The following MMACHC variants were observed in gnomAD, a reference collection of about 807,000 sequenced individuals.
The protein encoded by MMACHC is metabolism of cobalamin associated C, also known as cyanocobalamin reductase / alkylcobalamin dealkylase.
A neutral mutation model predicts 17.6 loss-of-function variants in MMACHC; 14 were observed. That is an observed-to-expected ratio of 0.80 (90% confidence interval 0.53 to 1.25). The LOEUF is 1.25. Ranked by LOEUF, MMACHC falls within the 50% of genes most tolerant of loss-of-function variation. MMACHC has a pLI of 0.00. For missense variants in MMACHC, 392 were observed against 364.5 expected, an observed-to-expected ratio of 1.08 and a Z score of -0.62; for synonymous variants, 151 against 142.1, an observed-to-expected ratio of 1.06 and a Z score of -0.45.
At chr1:45,503,158 G>A (rs987939948) in intron 1 of MMACHC, among the ~76,000 whole-genome samples, 2 of 152,030 alleles carry the variant, frequency 1.3e-5, no homozygotes, top group African/African-American at 4.8e-5. Context: ...CAGCACTTTG[G>A]GAGGCCAAGG....
rs1363911034 is a variant in MMACHC at position 45,510,769 on chromosome 1, T to G, written c.*1554T>G. ...GTCTAAACAAAAATAGGTGTCCAAG[T>G]AGTCACACTGAGACTTTAACTGGTA... On this transcript the variant is annotated 3_prime_UTR_variant, in exon 4 of 4. Coordinates refer to ENST00000401061, the MANE Select transcript of MMACHC (RefSeq NM_015506.3). 1.3e-5 allele frequency: 2 copies of G among 152,204 alleles called. No individual in the cohort carries two copies. Among genetic ancestry groups the G allele is most frequent in the African/African-American group, 4.8e-5 (2 of 41,442 alleles). 9.4% of individuals were successfully genotyped at this position (152,204 alleles called of 1,614,324 possible).
chr1:45,509,201 T>G lies in MMACHC; in HGVS notation c.835T>G (p.Ser279Ala). The part of the protein sequence containing the change: ...WLSPRVSPPA[S>A]PGP ...CAGCCCCAGGGTCTCACCACCTGCA[T>G]CCCCTGGCCCTTGATTTTCTCCCAT... The change falls in exon 4 of 4, where the codon TCC (serine) becomes GCC (alanine). Residue 279 changes from serine (S) to alanine (A), a missense_variant. Ser to Ala is a moderately conservative substitution (Grantham distance 99). Transcript: ENST00000401061. 2 of 1,614,002 alleles carry G rather than the reference T, an allele frequency of 1.2e-6. No individual in the cohort carries two copies. Among genetic ancestry groups the G allele is most frequent in the South Asian group, 2.2e-5 (2 of 91,078 alleles).
rs200769887 is a variant in MMACHC at position 45,511,337 on chromosome 1, G to T, written c.*2122G>T. 6.2e-7 allele frequency: 1 copy of T among 1,612,086 alleles called. No homozygotes were observed. Among genetic ancestry groups the T allele is most frequent in the East Asian group, 2.2e-5 (1 of 44,758 alleles). On this transcript the variant is annotated 3_prime_UTR_variant, in exon 4 of 4. Transcript: ENST00000401061. ...CTAAAACAGCCCAGCGCTCACTTCT[G>T]CTTGGAGAAATATTCTTTGCTCTTT...
In MMACHC at chr1:45,510,772, T is replaced by G. The variant is rs1021511291; in HGVS notation, c.*1557T>G. ...TAAACAAAAATAGGTGTCCAAGTAG[T>G]CACACTGAGACTTTAACTGGTAACC... On this transcript the variant is annotated 3_prime_UTR_variant, in exon 4 of 4. Coordinates refer to ENST00000401061, the MANE Select transcript of MMACHC (RefSeq NM_015506.3). The G allele has an allele frequency of 1.3e-5, 2 of 152,332 alleles. No homozygotes were observed. The highest frequency in any genetic ancestry group is 3.9e-4 in the East Asian group (2 of 5,190). The allele number at this position is 152,332 out of a possible 1,614,324, so 9.4% of individuals were successfully genotyped here. A position where few individuals can be genotyped will look rare whatever the true frequency, so the allele number is the denominator to read the frequency against.
Position 45,511,722 on chromosome 1 carries a change from C to A in MMACHC, c.*2507C>A. 2 of 227,922 alleles carry A rather than the reference C, an allele frequency of 8.8e-6. No homozygotes were observed. The highest frequency in any genetic ancestry group is 1.7e-5 in the Non-Finnish European group (2 of 117,344). 14.1% of individuals were successfully genotyped at this position (227,922 alleles called of 1,614,324 possible). ...TCTAATCCTTAAGGGGAAAAAAAAG[C>A]TAAATAAACGACACACATAGGACTA... On this transcript the variant is annotated 3_prime_UTR_variant, in exon 4 of 4. Transcript: ENST00000401061.
chr1:45,509,485 C>T lies in MMACHC; in HGVS notation c.*270C>T. 1 of 377,382 alleles carries T rather than the reference C, an allele frequency of 2.6e-6. No individual in the cohort carries two copies. The highest frequency in any genetic ancestry group is 3.2e-5 in the South Asian group (1 of 31,372). 23.4% of individuals were successfully genotyped at this position (377,382 alleles called of 1,614,324 possible). On this transcript the variant is annotated 3_prime_UTR_variant, in exon 4 of 4. Transcript: ENST00000401061. ...CTGGAGTGCAGTGGCACAGTCTCTA[C>T]TCACTGCAACCTCTGCCTCCTGGGT... is the stretch of plus-strand genomic sequence containing the variant.
Position 45,508,325 on chromosome 1 carries a change from CCAA to C in MMACHC, c.392_394del (p.Gln131del), listed in dbSNP as rs779234540. On this transcript the variant is annotated inframe_deletion, in exon 3 of 4. Coordinates refer to ENST00000401061, the MANE Select transcript of MMACHC (RefSeq NM_015506.3). Reference sequence around the variant, plus strand: ...ATGTAGCTGGGGCTGCTTACTACTACCAACGACAAGATGTGGAGGCTGACCCAT... The same window carrying C: ...ATGTAGCTGGGGCTGCTTACTACTACCGACAAGATGTGGAGGCTGACCCAT... The C allele has an allele frequency of 2.5e-6, 4 of 1,614,056 alleles. No individual in the cohort carries two copies. The highest frequency in any genetic ancestry group is 2.7e-5 in the African/African-American group (2 of 74,918).
In MMACHC at chr1:45,509,129, C is replaced by G. The variant is rs533256855; in HGVS notation, c.763C>G (p.Pro255Ala). ...CTCCCCGGACCTTCCCTTTACCACA[C>G]CCGCCCCCAAGAAGCCTGGGAATCC... The part of the protein sequence containing the change: ...SPSPDLPFTT[P>A]APKKPGNPSR... Residue 255 changes from proline to alanine, a missense_variant, in exon 4 of 4, where the codon CCC becomes GCC. Physicochemically the swap from Pro to Ala is conservative, Grantham distance 27. Transcript: ENST00000401061. The G allele has an allele frequency of 3.1e-6, 5 of 1,611,666 alleles. No homozygotes were observed. In the Admixed American group the frequency reaches 8.4e-5, roughly 27 times the overall value.
rs1643777421 is a variant in MMACHC at position 45,512,690 on chromosome 1, T to C, written c.*3475T>C. On this transcript the variant is annotated 3_prime_UTR_variant, in exon 4 of 4. Transcript: ENST00000401061. ...CCTGGGTTCAGGAGACTAACCTATA[T>C]GTAGGTTCCTAGGAAAGTCCAGTTA... 1 of 152,128 alleles carries C rather than the reference T, an allele frequency of 6.6e-6. No individual in the cohort carries two copies. Among genetic ancestry groups the C allele is most frequent in the Non-Finnish European group, 1.5e-5 (1 of 68,002 alleles). The allele number at this position is 152,128 out of a possible 1,614,324, so 9.4% of individuals were successfully genotyped here. A position where few individuals can be genotyped will look rare whatever the true frequency, so the allele number is the denominator to read the frequency against.
At chr1:45,508,726 T>A in intron 3 of MMACHC, 70 bp from the exon 4 acceptor site, 1 of 1,535,664 alleles carries the variant, frequency 6.5e-7, no homozygotes. Context: ...AGGCCTAGCT[T>A]GCAATGATGG....
At chr1:45,508,409 G>T (rs752999903) in intron 3 of MMACHC, 45 bp downstream of exon 3, 5 of 1,604,762 alleles carry the variant, frequency 3.1e-6, no homozygotes, top group African/African-American at 1.3e-5. Flanking sequence ...ACTGGTAAAG[G>T]CCTCTCCCTA....
In MMACHC at chr1:45,508,969, T is replaced by C. The variant is rs398124294; in HGVS notation, c.603T>C (p.Arg201=). 91 of 1,614,008 alleles carry C rather than the reference T, an allele frequency of 5.6e-5. No individual in the cohort carries two copies. In the South Asian group the frequency reaches 8.3e-4, roughly 15 times the overall value. The change falls in exon 4 of 4, where the codon CGT becomes CGC. Residue 201 remains arginine (R), a synonymous_variant. Transcript: ENST00000401061. ...TCGAAGGCTTCAATTTCCACTGGCG[T>C]GATTGGACTTACCGGGATGCTGTGA... ...ALLEGFNFHW[R]DWTYRDAVTP...
chr1:45,509,055 G>T lies in MMACHC; in HGVS notation c.689G>T (p.Arg230Leu), dbSNP rs771074986. The T allele has an allele frequency of 6.2e-7, 1 of 1,613,956 alleles. No individual in the cohort carries two copies. Among genetic ancestry groups the T allele is most frequent in the South Asian group, 1.1e-5 (1 of 91,064 alleles). ...TACTTCTCCACTCCACCTGCCCAAC[G>T]ATTGGCCCTATTGGGCTTGGCTCAG... is the stretch of plus-strand genomic sequence containing the variant. Reference protein sequence around the residue: ...KAYFSTPPAQRLALLGLAQPS... With the variant: ...KAYFSTPPAQLLALLGLAQPS... Residue 230 changes from arginine (R) to leucine (L), a missense_variant, in exon 4 of 4, where the codon CGA becomes CTA. Coordinates refer to ENST00000401061, the MANE Select transcript of MMACHC (RefSeq NM_015506.3).
At chr1:45,505,492 C>A (rs574271772) in intron 1 of MMACHC, among the ~76,000 whole-genome samples, 1 of 152,148 alleles carries the variant, frequency 6.6e-6, no homozygotes, top group South Asian at 2.1e-4. Context: ...CAGGTTCTCA[C>A]TCTGTTACCC....
At chr1:45,507,619 C>A (rs1300152626) in intron 2 of MMACHC, 69 bp downstream of exon 2, 5 of 1,544,374 alleles carry the variant, frequency 3.2e-6, no homozygotes, top group Admixed American at 3.4e-5. Flanking sequence ...ACACTCAATG[C>A]AGGATCTAGA....
At chr1:45,508,161 T>C (rs772336376) in intron 2 of MMACHC, 51 bp from the exon 3 acceptor site, 2 of 1,605,680 alleles carry the variant, frequency 1.2e-6, no homozygotes, top group South Asian at 2.2e-5. Flanking sequence ...TCGGACAAGG[T>C]CATAACTCCC....
intron 1 of MMACHC, among the ~76,000 whole-genome samples, chr1:45,500,865 CAAAAAAAAAA>C (rs11374269): frequency 1.2e-5 from 1 of 86,368 alleles, no homozygotes; most frequent in African/African-American, 4.3e-5. Flanking sequence ...AACTCCGTGT[CAAAAAAAAAA>C]AAAAAAAAAA....
Position 45,509,502 on chromosome 1 carries a change from CTCCTGGGT to C in MMACHC, c.*290_*297del. ...AGTCTCTACTCACTGCAACCTCTGCCTCCTGGGTTCAAGCAATTATCTGCCTCAGCCTC... is the reference window on the plus strand; with the variant it reads ...AGTCTCTACTCACTGCAACCTCTGCCTCAAGCAATTATCTGCCTCAGCCTC... On this transcript the variant is annotated 3_prime_UTR_variant, in exon 4 of 4. Transcript: ENST00000401061. The C allele has an allele frequency of 3.1e-6, 1 of 326,036 alleles. No homozygotes were observed. The highest frequency in any genetic ancestry group is 4.5e-5 in the South Asian group (1 of 22,238). The allele number at this position is 326,036 out of a possible 1,614,324, so 20.2% of individuals were successfully genotyped here.
chr1:45,502,386 T>C (rs1643558876), intron 1 of MMACHC, among the ~76,000 whole-genome samples: 1 of 152,014 alleles, frequency 6.6e-6, no homozygotes, highest in Non-Finnish European at 1.5e-5. Flanking sequence ...CCTCCCACTT[T>C]AGTCTCCCAA....
Sources: allele counts gnomAD v4.1 joint callset (sites outside exome capture counted in the v4.1 genomes callset), GRCh38; gene constraint gnomAD v4.1.1; transcripts MANE v1.5; gene names NCBI Gene and HGNC (gene_info 2026-07-23, HGNC 2026-07-21).